The following SGSM1 variants were observed in gnomAD, a reference collection of about 807,000 sequenced individuals.
The protein encoded by SGSM1 is small G protein signaling modulator 1.
SGSM1 carries 73 observed loss-of-function variants against 133.8 expected under a neutral mutation model. That is an observed-to-expected ratio of 0.55 (90% confidence interval 0.45 to 0.66). The LOEUF (loss-of-function observed/expected upper bound fraction) is 0.66. Ranked by LOEUF, SGSM1 falls within the 30% of genes least tolerant of loss-of-function variation. SGSM1 has a pLI of 0.00. For synonymous variants in SGSM1, 563 were observed against 573.0 expected (o/e 0.98, Z 0.25); for missense variants, 1,213 against 1,448.1 (o/e 0.84, Z 2.64).
At chr22:24,835,560 C>T (rs1929376650) in intron 2 of SGSM1, among the ~76,000 whole-genome samples, 1 of 152,008 alleles carries the variant, frequency 6.6e-6, no homozygotes, top group African/African-American at 2.4e-5. Flanking sequence ...TGTTGGGTAC[C>T]AAGTGGGGTG....
chr22:24,904,869 G>T (rs1424603015), intron 20 of SGSM1, among the ~76,000 whole-genome samples: 1 of 152,132 alleles, frequency 6.6e-6, no homozygotes, highest in Non-Finnish European at 1.5e-5. Context: ...CAGACAGCAG[G>T]GTGCTTGTGC....
At chr22:24,806,868 G>A (rs1281453087) in intron 2 of SGSM1, among the ~76,000 whole-genome samples, 1 of 152,062 alleles carries the variant, frequency 6.6e-6, no homozygotes, top group African/African-American at 2.4e-5. Flanking sequence ...GGGTGTGCTG[G>A]AGGAGGGGCT....
chr22:24,892,845 A>T (rs1932837356), intron 16 of SGSM1, among the ~76,000 whole-genome samples: 1 of 150,686 alleles, frequency 6.6e-6, no homozygotes, highest in African/African-American at 2.4e-5. Context: ...TCAAGAGATC[A>T]AGACCATCCT....
Position 24,893,530 on chromosome 22 carries a change from G to A in SGSM1, c.1870G>A (p.Ala624Thr), listed in dbSNP as rs372769247. ...RQRERESHAA[A>T]LAKCSSGASL... is the part of the protein sequence containing the mutation. ...GAGGGAGCGGGAGTCCCATGCGGCC[G>A]CCCTGGCCAAATGCTCATCCGGGGC... Residue 624 changes from alanine (A) to threonine (T), a missense_variant, in exon 17 of 25, where the codon GCC becomes ACC. By Grantham distance (58) the Ala-to-Thr change is moderately conservative (BLOSUM62 0). Coordinates refer to ENST00000400358, the MANE Select transcript of SGSM1 (RefSeq NM_001098497.3). 1.1e-5 allele frequency: 18 copies of A among 1,610,340 alleles called. No homozygotes were observed. The East Asian group carries it at 2.5e-4, about 22-fold the overall frequency.
chr22:24,838,999 A>G (rs62231149), intron 2 of SGSM1, among the ~76,000 whole-genome samples: 22,760 of 151,324 alleles, frequency 0.15, 1,972 homozygotes, highest in East Asian at 0.21. Flanking sequence ...GGTAATATCA[A>G]CATTTTAGGA....
At chr22:24,821,763 T>TAA (rs1928483993) in intron 2 of SGSM1, among the ~76,000 whole-genome samples, 1 of 152,162 alleles carries the variant, frequency 6.6e-6, no homozygotes. Flanking sequence ...TAAGACTTAT[T>TAA]AAAGTCTTAT....
intron 2 of SGSM1, among the ~76,000 whole-genome samples, chr22:24,818,766 C>T (rs73155726): frequency 0.054 from 8,254 of 152,186 alleles, 439 homozygotes; most frequent in Admixed American, 0.15. Context: ...GATTGCAATA[C>T]GGTTTCCTGT....
intron 21 of SGSM1, among the ~76,000 whole-genome samples, chr22:24,910,521 C>T (rs1933581180): frequency 6.6e-6 from 1 of 152,116 alleles, no homozygotes; most frequent in Non-Finnish European, 1.5e-5. Context: ...GTGGTGCACA[C>T]CTGCAGTCCC....
At chr22:24,920,781 T>G (rs1395281503) in intron 24 of SGSM1, among the ~76,000 whole-genome samples, 1 of 152,258 alleles carries the variant, frequency 6.6e-6, no homozygotes, top group African/African-American at 2.4e-5. Context: ...TTTAATTGTC[T>G]ACTAAAATTG....
chr22:24,899,100 A>C (rs1315118021), intron 19 of SGSM1, among the ~76,000 whole-genome samples: 3 of 149,952 alleles, frequency 2.0e-5, no homozygotes, highest in African/African-American at 4.9e-5. Context: ...CAGTGCTTGC[A>C]TTATTTTAAC....
intron 24 of SGSM1, among the ~76,000 whole-genome samples, chr22:24,920,534 A>G (rs1326871533): frequency 2.0e-5 from 3 of 152,198 alleles, no homozygotes. Context: ...CCTCCCTCAC[A>G]GGGAGGTCCA....
chr22:24,853,203 G>A (rs568965290), intron 5 of SGSM1, among the ~76,000 whole-genome samples: 1 of 152,290 alleles, frequency 6.6e-6, no homozygotes, highest in Non-Finnish European at 1.5e-5. Flanking sequence ...CACCCACTCT[G>A]TCTCACTCCA....
Position 24,806,361 on chromosome 22 carries a change from C to T in SGSM1, c.19+17C>T. On this transcript the variant is annotated intron_variant, in intron 1 of 24. Coordinates refer to ENST00000400358, the MANE Select transcript of SGSM1 (RefSeq NM_001098497.3). ...CCCCCGCGGGTAAGAGGCCGCTGGACACGAGGGCGGCGGGAGGGCAGCGCC... is the reference window on the plus strand; with the variant it reads ...CCCCCGCGGGTAAGAGGCCGCTGGATACGAGGGCGGCGGGAGGGCAGCGCC... The T allele has an allele frequency of 6.7e-7, 1 of 1,499,478 alleles. No homozygotes were observed. The highest frequency in any genetic ancestry group is 8.9e-7 in the Non-Finnish European group (1 of 1,125,264). The allele number at this position is 1,499,478 out of a possible 1,614,324, so 92.9% of individuals were successfully genotyped here.
intron 12 of SGSM1, among the ~76,000 whole-genome samples, chr22:24,870,446 C>A (rs1408104379): frequency 6.6e-6 from 1 of 152,230 alleles, no homozygotes; most frequent in Admixed American, 6.5e-5. Flanking sequence ...CACAGCTTCT[C>A]ATCCAACAGG....
At chr22:24,843,603 C>G (rs1929927205) in intron 2 of SGSM1, 1 of 152,224 alleles carries the variant, frequency 6.6e-6, no homozygotes, top group Non-Finnish European at 1.5e-5. Flanking sequence ...ACCTCCTCAA[C>G]CTCAAAGTGG....
intron 2 of SGSM1, among the ~76,000 whole-genome samples, chr22:24,822,874 G>A (rs1415697333): frequency 6.6e-6 from 1 of 152,224 alleles, no homozygotes; most frequent in East Asian, 1.9e-4. Context: ...CCTCTCCCAG[G>A]ACAGCTGCCT....
intron 2 of SGSM1, among the ~76,000 whole-genome samples, chr22:24,839,879 C>T: frequency 6.7e-6 from 1 of 148,810 alleles, no homozygotes; most frequent in African/African-American, 2.5e-5. Context: ...TTTTCTTAGT[C>T]AATCTTGCTA....
intron 21 of SGSM1, among the ~76,000 whole-genome samples, chr22:24,911,072 C>CA (rs1469037718): frequency 1.1e-4 from 16 of 151,872 alleles, no homozygotes; most frequent in Non-Finnish European, 1.3e-4. Context: ...GTCACCTCTA[C>CA]AAAAAATAGA....
chr22:24,863,348 G>A (rs1480413019), intron 9 of SGSM1, among the ~76,000 whole-genome samples: 6 of 152,080 alleles, frequency 3.9e-5, no homozygotes, highest in African/African-American at 1.4e-4. Flanking sequence ...TAGTAGAGAC[G>A]GGGTTTCACC....
Sources: gnomAD v4.1 joint callset for allele counts (sites outside exome capture counted in the v4.1 genomes callset) on GRCh38, gnomAD v4.1.1 for gene constraint, MANE v1.5 for transcripts, NCBI Gene and HGNC (gene_info 2026-07-23, HGNC 2026-07-21) for gene names.